The following OXR1 variants were observed in gnomAD, a reference collection of about 807,000 sequenced individuals.
The protein encoded by OXR1 is oxidation resistance 1.
OXR1 carries 41 observed loss-of-function variants against 104.6 expected under a neutral mutation model. The observed-to-expected ratio is 0.39, with a 90% CI of 0.31 to 0.51. The LOEUF is 0.51. Among genes scored for constraint, OXR1 ranks in the 20% least tolerant of loss-of-function variants. OXR1 has a pLI of 0.77. For synonymous variants in OXR1, 348 were observed against 348.4 expected, an observed-to-expected ratio of 1.00 and a Z score of 0.01; for missense variants, 955 against 1,031.9, an observed-to-expected ratio of 0.93 and a Z score of 1.02.
At chr8:106,440,038 CTTTTA>C (rs778648743) in intron 2 of OXR1, among the ~76,000 whole-genome samples, 2 of 151,914 alleles carry the variant, frequency 1.3e-5, no homozygotes, top group Non-Finnish European at 2.9e-5. Flanking sequence ...CTGAATTGAC[CTTTTA>C]TTTCATCTTC....
intron 1 of OXR1, among the ~76,000 whole-genome samples, chr8:106,309,455 A>G (rs1172290468): frequency 3.3e-5 from 5 of 152,188 alleles, no homozygotes; most frequent in Admixed American, 2.6e-4. Context: ...AACCCACTCC[A>G]GGATACGTGA....
intron 2 of OXR1, among the ~76,000 whole-genome samples, chr8:106,374,185 C>A (rs1453560415): frequency 6.6e-6 from 1 of 152,142 alleles, no homozygotes; most frequent in Non-Finnish European, 1.5e-5. Context: ...TAGATCACTG[C>A]CTATATAAGG....
intron 3 of OXR1, among the ~76,000 whole-genome samples, chr8:106,661,076 A>G (rs1784492): frequency 0.61 from 92,030 of 151,716 alleles, 28,753 homozygotes; most frequent in African/African-American, 0.76. Flanking sequence ...TACTCAGGAG[A>G]CTGAGGCAGG....
intron 2 of OXR1, among the ~76,000 whole-genome samples, chr8:106,442,887 G>C (rs1819848990): frequency 6.6e-6 from 1 of 151,874 alleles, no homozygotes; most frequent in Non-Finnish European, 1.5e-5. Context: ...ATTTTTTGGA[G>C]GGTTTTTCAT....
intron 1 of OXR1, among the ~76,000 whole-genome samples, chr8:106,347,779 C>T (rs1815560150): frequency 6.6e-6 from 1 of 152,044 alleles, no homozygotes; most frequent in Admixed American, 6.5e-5. Context: ...TTTGTTATGA[C>T]AAAAGGGGGC....
intron 2 of OXR1, among the ~76,000 whole-genome samples, chr8:106,360,900 A>G (rs1816216134): frequency 6.6e-6 from 1 of 152,124 alleles, no homozygotes; most frequent in South Asian, 2.1e-4. Flanking sequence ...GGGGGACAGG[A>G]GGGTTGGGGA....
intron 2 of OXR1, among the ~76,000 whole-genome samples, chr8:106,362,251 A>T (rs548008914): frequency 2.6e-4 from 40 of 152,168 alleles, no homozygotes; most frequent in Non-Finnish European, 5.4e-4. Flanking sequence ...TCTGCCTACT[A>T]TGACATCGTA....
chr8:106,533,912 C>A (rs960370314), intron 3 of OXR1, among the ~76,000 whole-genome samples: 2 of 152,036 alleles, frequency 1.3e-5, no homozygotes, highest in Non-Finnish European at 2.9e-5. Context: ...AGGGCTTTTC[C>A]ATATTGATCA....
At chr8:106,718,937 A>T (rs1390328375) in intron 11 of OXR1, among the ~76,000 whole-genome samples, 1 of 152,182 alleles carries the variant, frequency 6.6e-6, no homozygotes, top group Non-Finnish European at 1.5e-5. Flanking sequence ...CAAAATGATT[A>T]AGGAAACCTT....
chr8:106,725,500 A>G (rs1434633919), intron 11 of OXR1, among the ~76,000 whole-genome samples: 2 of 152,220 alleles, frequency 1.3e-5, no homozygotes, highest in East Asian at 3.8e-4. Context: ...TTCTTTGCTT[A>G]TATTCAAAAT....
chr8:106,434,507 A>G (rs745816464), intron 2 of OXR1, among the ~76,000 whole-genome samples: 1 of 152,174 alleles, frequency 6.6e-6, no homozygotes, highest in Non-Finnish European at 1.5e-5. Flanking sequence ...AGCATACTTT[A>G]TGGGTGATGT....
At chr8:106,675,472 T>C (rs1188930652) in intron 3 of OXR1, among the ~76,000 whole-genome samples, 3 of 152,206 alleles carry the variant, frequency 2.0e-5, no homozygotes, top group Non-Finnish European at 4.4e-5. Flanking sequence ...ATCTTAGCTG[T>C]GTCCCAGAGA....
At chr8:106,288,790 C>T (rs1348317720) in intron 1 of OXR1, among the ~76,000 whole-genome samples, 2 of 148,316 alleles carry the variant, frequency 1.3e-5, no homozygotes, top group Non-Finnish European at 3.0e-5. Flanking sequence ...TATATGTGTA[C>T]ATATATATAG....
In OXR1 at chr8:106,679,218, C is replaced by T; in HGVS notation, c.229C>T (p.Gln77Ter). ...LKRFYTIDTG[Q>*]KKTLDKKDGR... ...TTGCCTTTTTTTCCCAGACACTGGCCAAAAGAAGACCCTAGACAAGAAAGA... is the reference window on the plus strand; with the variant it reads ...TTGCCTTTTTTTCCCAGACACTGGCTAAAAGAAGACCCTAGACAAGAAAGA... Residue 77 changes from glutamine to a stop codon, truncating the protein, a stop_gained, in exon 4 of 17, where the codon CAA becomes TAA. Transcript: ENST00000517566. LOFTEE classifies it high-confidence loss of function. 6.2e-7 allele frequency: 1 copy of T among 1,606,250 alleles called. No homozygotes were observed. The highest frequency in any genetic ancestry group is 8.5e-7 in the Non-Finnish European group (1 of 1,174,490).
At chr8:106,666,339 C>T (rs1465952938) in intron 3 of OXR1, among the ~76,000 whole-genome samples, 3 of 152,122 alleles carry the variant, frequency 2.0e-5, no homozygotes, top group Non-Finnish European at 2.9e-5. Flanking sequence ...GCAAATATGG[C>T]TATTGAGTAT....
chr8:106,652,298 G>A (rs954947531), intron 3 of OXR1, among the ~76,000 whole-genome samples: 1 of 152,056 alleles, frequency 6.6e-6, no homozygotes, highest in African/African-American at 2.4e-5. Context: ...GGATTTTCAA[G>A]AAATTCAGTG....
At position 106,742,222 on chromosome 8, in the gene OXR1, G is replaced by A; in HGVS notation, c.2317G>A (p.Val773Ile). The A allele has an allele frequency of 6.3e-7, 1 of 1,577,064 alleles. No individual in the cohort carries two copies. Among genetic ancestry groups the A allele is most frequent in the Non-Finnish European group, 8.7e-7 (1 of 1,147,476 alleles). ...LMVIKDSDGQVFGALASEPLK... is the reference protein window; with the variant it reads ...LMVIKDSDGQIFGALASEPLK... ...TTGAATATGCCTTTTTTATCCTTAG[G>A]TTTTTGGTGCGTTAGCATCTGAGCC... Residue 773 changes from valine to isoleucine, a missense_variant and splice_region_variant, in exon 15 of 17, where the codon GTT becomes ATT. Physicochemically the swap from Val to Ile is conservative, Grantham distance 29 (BLOSUM62 3). This residue lies in a region of OXR1 where 106 missense variants were observed against 179.0 expected (regional missense o/e 0.59). Transcript: ENST00000517566.
intron 3 of OXR1, among the ~76,000 whole-genome samples, chr8:106,653,988 AAC>A (rs1824844578): frequency 1.3e-5 from 2 of 152,208 alleles, no homozygotes; most frequent in East Asian, 1.9e-4. Flanking sequence ...CAAAAAATAA[AAC>A]ACTTATTAAT....
At chr8:106,695,719 G>A (rs568175877) in intron 7 of OXR1, among the ~76,000 whole-genome samples, 1 of 152,080 alleles carries the variant, frequency 6.6e-6, no homozygotes, top group South Asian at 2.1e-4. Flanking sequence ...CACCCGGCAC[G>A]TTTATGTACA....
Sources: gnomAD v4.1 joint callset for allele counts (sites outside exome capture counted in the v4.1 genomes callset) on GRCh38, gnomAD v4.1.1 for gene constraint, gnomAD v4.1.1 regional missense constraint, MANE v1.5 for transcripts, NCBI Gene and HGNC (gene_info 2026-07-23, HGNC 2026-07-21) for gene names.